FSHR: variants seen among roughly 807,000 people sequenced by gnomAD.
FSHR encodes follicle-stimulating hormone receptor.
Under a neutral mutation model 52.1 loss-of-function variants are expected in FSHR, and 46 were observed. That is an observed-to-expected ratio of 0.88 (90% CI 0.70 to 1.13). The LOEUF is 1.13. Ranked by LOEUF, FSHR falls within the 50% of genes most tolerant of loss-of-function variation. The pLI is 0.00. For missense variants in FSHR, 964 were observed against 834.6 expected (o/e 1.16, Z -1.91); for synonymous variants, 399 against 309.6 (o/e 1.29, Z -3.03).
chr2:48,991,021 C>T (rs926032750), intron 4 of FSHR, among the ~76,000 whole-genome samples: 4 of 152,112 alleles, frequency 2.6e-5, no homozygotes, highest in Non-Finnish European at 4.4e-5. Flanking sequence ...CCACTCCAAG[C>T]GATTCTCTTG....
intron 1 of FSHR, among the ~76,000 whole-genome samples, chr2:49,084,047 T>A (rs2103665244): frequency 6.6e-6 from 1 of 151,644 alleles, no homozygotes. Flanking sequence ...TATACATTTT[T>A]TTCAGCACCA....
chr2:49,014,641 C>G lies in FSHR; in HGVS notation c.374+2848G>C, dbSNP rs138900484. Reference sequence around the variant, plus strand: ...GCAAGATGTGGGTCAATGATGAGGTCAAATTCTGAATCCCTTGGTTTCAAA... The same window carrying G: ...GCAAGATGTGGGTCAATGATGAGGTGAAATTCTGAATCCCTTGGTTTCAAA... On this transcript the variant is annotated intron_variant, in intron 4 of 9. Transcript: ENST00000406846. The G allele has an allele frequency of 2.7e-3, 736 of 269,488 alleles. 9 individuals carry two copies. The highest frequency in any genetic ancestry group is 0.016 in the African/African-American group (695 of 43,774). The allele number at this position is 269,488 out of a possible 1,614,324, so 16.7% of individuals were successfully genotyped here.
At chr2:48,991,601 G>A (rs771195842) in intron 4 of FSHR, among the ~76,000 whole-genome samples, 1 of 152,180 alleles carries the variant, frequency 6.6e-6, no homozygotes, top group Non-Finnish European at 1.5e-5. Flanking sequence ...AGAAGCCCCA[G>A]AGTAGGAAGT....
intron 2 of FSHR, among the ~76,000 whole-genome samples, chr2:49,063,396 A>G (rs780327859): frequency 2.6e-5 from 4 of 151,840 alleles, no homozygotes; most frequent in Non-Finnish European, 2.9e-5. Flanking sequence ...GAACCAACTT[A>G]CACGTTCACA....
chr2:49,141,742 C>G (rs892755009), intron 1 of FSHR, among the ~76,000 whole-genome samples: 10 of 151,876 alleles, frequency 6.6e-5, no homozygotes, highest in Non-Finnish European at 2.9e-5. Flanking sequence ...AAAGATGAGT[C>G]CAGCATTTTA....
chr2:49,142,047 G>A (rs1035876758), intron 1 of FSHR, among the ~76,000 whole-genome samples: 1 of 152,202 alleles, frequency 6.6e-6, no homozygotes, highest in Non-Finnish European at 1.5e-5. Flanking sequence ...CTTATTAGAT[G>A]TTTGTTACAT....
intron 1 of FSHR, among the ~76,000 whole-genome samples, chr2:49,073,817 C>T (rs1669844662): frequency 6.6e-6 from 1 of 151,994 alleles, no homozygotes; most frequent in Admixed American, 6.6e-5. Context: ...ACCAAAACAA[C>T]AAGGTATTGG....
chr2:49,038,706 T>C (rs1668382642), intron 2 of FSHR, among the ~76,000 whole-genome samples: 1 of 150,140 alleles, frequency 6.7e-6, no homozygotes, highest in South Asian at 2.1e-4. Flanking sequence ...AAGATACAAC[T>C]AAAATACTGA....
chr2:49,101,469 T>A (rs1273122630), intron 1 of FSHR, among the ~76,000 whole-genome samples: 1 of 152,064 alleles, frequency 6.6e-6, no homozygotes, highest in East Asian at 1.9e-4. Flanking sequence ...AAGGGTACGA[T>A]TATAGCTAAT....
In FSHR at chr2:48,989,068, C is replaced by A; in HGVS notation, c.447-14G>T. 1 of 1,603,800 alleles carries A rather than the reference C, an allele frequency of 6.2e-7. No individual in the cohort carries two copies. Among genetic ancestry groups the A allele is most frequent in the Non-Finnish European group, 8.5e-7 (1 of 1,171,180 alleles). On this transcript the variant is annotated splice_polypyrimidine_tract_variant and intron_variant, in intron 5 of 9. Coordinates refer to ENST00000406846, the MANE Select transcript of FSHR (RefSeq NM_000145.4). ...TCTTGAATGTCACTAGAAGAAAGTA[C>A]AGACAAATAAGATACTTACATCAGC...
At chr2:49,043,124 T>C (rs1668537059) in intron 2 of FSHR, among the ~76,000 whole-genome samples, 1 of 152,142 alleles carries the variant, frequency 6.6e-6, no homozygotes, top group Non-Finnish European at 1.5e-5. Flanking sequence ...GCAGACTCTT[T>C]CCCTTTATGG....
At chr2:49,106,745 C>A (rs1435308339) in intron 1 of FSHR, among the ~76,000 whole-genome samples, 1 of 152,094 alleles carries the variant, frequency 6.6e-6, no homozygotes, top group Non-Finnish European at 1.5e-5. Context: ...GTCTTCAAAG[C>A]ATTGCTTGCC....
intron 4 of FSHR, among the ~76,000 whole-genome samples, chr2:49,008,616 T>G (rs1375080597): frequency 2.5e-4 from 36 of 146,660 alleles, no homozygotes; most frequent in Non-Finnish European, 2.1e-4. Flanking sequence ...ACTTCCACAA[T>G]GGTTGAACTA....
chr2:49,064,255 A>AT (rs67271260), intron 2 of FSHR, among the ~76,000 whole-genome samples: 1 of 151,536 alleles, frequency 6.6e-6, no homozygotes, highest in Admixed American at 6.6e-5. Context: ...TGGTTTAAAT[A>AT]TTTTTTCCTC....
rs544802355 is a variant in FSHR, at chr2:48,977,836, C to T, written c.668+5076G>A. Among the ~76,000 whole-genome samples the T allele has an allele frequency of 1.1e-4, 17 of 152,224 alleles. No individual in the cohort carries two copies. In the South Asian group the frequency reaches 3.3e-3, roughly 30 times the overall value. On this transcript the variant is annotated intron_variant, in intron 8 of 9. Coordinates refer to ENST00000406846, the MANE Select transcript of FSHR (RefSeq NM_000145.4). ...AGTGCTTGAGAATGTTTACTTTATT[C>T]CTGCCCTTGTGCCTGGAACTGGTGG...
rs141166929 is a variant in FSHR at position 49,081,569 on chromosome 2, A to G, written c.153-13279T>C. 2.2e-4 allele frequency among the ~76,000 whole-genome samples: 34 copies of G among 152,302 alleles called. No individual in the cohort carries two copies. In the East Asian group the frequency reaches 5.8e-3, roughly 26 times the overall value. ...TAAACAGCTATTTAAAAGTATCATC[A>G]CACCATTCTTGTCAGATAGTACCTT... On this transcript the variant is annotated intron_variant, in intron 1 of 9. Coordinates refer to ENST00000406846, the MANE Select transcript of FSHR (RefSeq NM_000145.4).
At chr2:49,085,139 T>C (rs1471621212) in intron 1 of FSHR, among the ~76,000 whole-genome samples, 1 of 151,730 alleles carries the variant, frequency 6.6e-6, no homozygotes, top group East Asian at 1.9e-4. Context: ...TCAAAAAGCT[T>C]ATCCACCATG....
At position 48,968,789 on chromosome 2, in the gene FSHR, G is replaced by A; in HGVS notation, c.763C>T (p.Leu255=). 3 of 1,614,134 alleles carry A rather than the reference G, an allele frequency of 1.9e-6. No individual in the cohort carries two copies. Among genetic ancestry groups the A allele is most frequent in the Non-Finnish European group, 2.5e-6 (3 of 1,179,996 alleles). The change falls in exon 9 of 10, where the codon CTG becomes TTG. Residue 255 remains leucine, a synonymous_variant. Transcript: ENST00000406846. ...RARSTYNLKK[L]PTLEKLVALM... ...GCGACAAGCTTTTCCAGAGTAGGCA[G>A]CTTTTTTAAGTTGTAAGTCGACCTG...
chr2:49,100,643 G>A (rs1163844222), intron 1 of FSHR, among the ~76,000 whole-genome samples: 5 of 152,190 alleles, frequency 3.3e-5, no homozygotes, highest in African/African-American at 1.2e-4. Context: ...TAAAAGTGGA[G>A]CAGAGAGAGG....
Sources: gnomAD v4.1 joint callset for allele counts (sites outside exome capture counted in the v4.1 genomes callset) on GRCh38, gnomAD v4.1.1 for gene constraint, MANE v1.5 for transcripts, NCBI Gene and HGNC (gene_info 2026-07-23, HGNC 2026-07-21) for gene names.